Variants in DCDC1 observed in about 807,000 individuals in gnomAD.
The protein encoded by DCDC1 is doublecortin domain containing 1, also known as doublecortin domain-containing protein 1.
DCDC1 carries 200 observed loss-of-function variants against 178.3 expected under a neutral mutation model. The observed-to-expected ratio is 1.12, with a 90% CI of 1.00 to 1.26. The LOEUF is 1.26. Ranked by LOEUF, DCDC1 falls within the 50% of genes most tolerant of loss-of-function variation. DCDC1 has a pLI of 0.00. For synonymous variants in DCDC1, 690 were observed against 604.8 expected, an observed-to-expected ratio of 1.14 and a Z score of -2.07; for missense variants, 1,983 against 1,749.2, an observed-to-expected ratio of 1.13 and a Z score of -2.38.
intron 20 of DCDC1, among the ~76,000 whole-genome samples, chr11:31,009,922 A>T (rs1952073294): frequency 6.6e-6 from 1 of 152,134 alleles, no homozygotes; most frequent in East Asian, 1.9e-4. Flanking sequence ...TGACAAGCAA[A>T]GGGGGGAAAG....
At chr11:31,033,289 C>T in intron 20 of DCDC1, among the ~76,000 whole-genome samples, 1 of 152,122 alleles carries the variant, frequency 6.6e-6, no homozygotes, top group East Asian at 1.9e-4. Context: ...TATACACACA[C>T]ATACACACAC....
At position 30,941,107 on chromosome 11, in the gene DCDC1, G is replaced by A. The variant is rs371514053; in HGVS notation, c.2716-9155C>T. ...TGCTTGCATTATTAGACTATATCAA[G>A]GACCCTATATCAAGGACCCAACTAC... On this transcript the variant is annotated intron_variant, in intron 21 of 38. Transcript: ENST00000684477. 2.6e-5 allele frequency among the ~76,000 whole-genome samples: 4 copies of A among 152,078 alleles called. No homozygotes were observed. The East Asian group carries it at 5.8e-4, about 22-fold the overall frequency.
intron 20 of DCDC1, among the ~76,000 whole-genome samples, chr11:31,009,523 T>A (rs540664456): frequency 5.9e-5 from 9 of 151,806 alleles, no homozygotes; most frequent in Non-Finnish European, 1.2e-4. Context: ...AATCCCATGA[T>A]CTTCATGGGA....
At chr11:31,053,882 G>A (rs1281121476) in intron 20 of DCDC1, among the ~76,000 whole-genome samples, 1 of 152,082 alleles carries the variant, frequency 6.6e-6, no homozygotes, top group Non-Finnish European at 1.5e-5. Context: ...ATGGGGAAAA[G>A]TTGAAAACAT....
intron 3 of DCDC1, among the ~76,000 whole-genome samples, chr11:31,323,798 G>A (rs1469404383): frequency 6.6e-6 from 1 of 152,052 alleles, no homozygotes; most frequent in Non-Finnish European, 1.5e-5. Context: ...CTTATGTTTG[G>A]TGAATGTAAG....
chr11:31,007,161 C>G (rs1346999218), intron 20 of DCDC1, among the ~76,000 whole-genome samples: 2 of 151,982 alleles, frequency 1.3e-5, no homozygotes, highest in Admixed American at 6.6e-5. Flanking sequence ...ATACATGTAC[C>G]GTGTGCATAG....
rs1565029746 is a variant in DCDC1, at chr11:30,888,102, G to GAAAGAAAGAAAGAAAGAAAGAAAGAA, written c.5082+4690_5082+4715dup. Among the ~76,000 whole-genome samples the GAAAGAAAGAAAGAAAGAAAGAAAGAA allele has an allele frequency of 7.1e-4, 34 of 47,664 alleles. No homozygotes were observed. In the South Asian group the frequency reaches 0.011, roughly 15 times the overall value. The allele number at this position is 47,664 out of a possible 152,430, so 31.3% of individuals were successfully genotyped here. A position where few individuals can be genotyped will look rare whatever the true frequency, so the allele number is the denominator to read the frequency against. On this transcript the variant is annotated intron_variant, in intron 36 of 38. Transcript: ENST00000684477. Reference sequence around the variant, plus strand: ...AGAGAGAGAAAGAAAGAAAGAAAAAGAAAGAAAGAAAGAAAGAAAGAAAGA... The same window carrying GAAAGAAAGAAAGAAAGAAAGAAAGAA: ...AGAGAGAGAAAGAAAGAAAGAAAAAGAAAGAAAGAAAGAAAGAAAGAAAGAAAAAGAAAGAAAGAAAGAAAGAAAGA...
intron 20 of DCDC1, among the ~76,000 whole-genome samples, chr11:31,044,883 T>C (rs1320460320): frequency 6.6e-6 from 1 of 152,210 alleles, no homozygotes; most frequent in Admixed American, 6.5e-5. Context: ...CCAGCAATGA[T>C]AGCTAATACA....
At chr11:30,945,388 T>TTA (rs376803092) in intron 21 of DCDC1, among the ~76,000 whole-genome samples, 111 of 151,594 alleles carry the variant, frequency 7.3e-4, no homozygotes, top group Middle Eastern at 3.4e-3. Context: ...TTATGCCAAG[T>TTA]TATATATATA....
intron 9 of DCDC1, among the ~76,000 whole-genome samples, chr11:31,204,411 A>C (rs182083650): frequency 6.6e-6 from 1 of 152,242 alleles, no homozygotes; most frequent in Non-Finnish European, 1.5e-5. Context: ...TTATTTAAGG[A>C]CAAAAAAAGA....
At chr11:31,173,571 C>T (rs1170788940) in intron 9 of DCDC1, among the ~76,000 whole-genome samples, 1 of 152,056 alleles carries the variant, frequency 6.6e-6, no homozygotes, top group Non-Finnish European at 1.5e-5. Flanking sequence ...TGATAGACCA[C>T]TAAAGTAGAT....
At chr11:31,086,771 T>A (rs1957506074) in intron 17 of DCDC1, among the ~76,000 whole-genome samples, 1 of 152,200 alleles carries the variant, frequency 6.6e-6, no homozygotes, top group Non-Finnish European at 1.5e-5. Context: ...TCATGATACA[T>A]CTTTTTATAA....
intron 20 of DCDC1, among the ~76,000 whole-genome samples, chr11:31,010,310 G>T (rs1181343530): frequency 2.6e-5 from 4 of 152,228 alleles, no homozygotes; most frequent in Non-Finnish European, 1.5e-5. Flanking sequence ...CAACTGGGAA[G>T]AATTCACTTC....
chr11:31,051,422 C>T (rs1335951782), intron 20 of DCDC1, among the ~76,000 whole-genome samples: 1 of 152,218 alleles, frequency 6.6e-6, no homozygotes, highest in South Asian at 2.1e-4. Context: ...TCAAGGAAAA[C>T]TTCCCCAGCC....
chr11:31,003,909 C>A (rs868791909), intron 20 of DCDC1, among the ~76,000 whole-genome samples: 5 of 152,268 alleles, frequency 3.3e-5, no homozygotes, highest in South Asian at 2.1e-4. Context: ...GTGAATCCAA[C>A]AGTGTCCTAC....
At chr11:31,110,207 G>C (rs374145334) in intron 12 of DCDC1, 53 bp downstream of exon 12, 148 of 664,400 alleles carry the variant, frequency 2.2e-4, no homozygotes, top group Middle Eastern at 7.3e-4. Context: ...TAAATTAGTT[G>C]CAAGTAACTT....
At chr11:31,270,997 T>C (rs1945509504) in intron 7 of DCDC1, among the ~76,000 whole-genome samples, 1 of 152,190 alleles carries the variant, frequency 6.6e-6, no homozygotes, top group Non-Finnish European at 1.5e-5. Context: ...CCCTCAGTAC[T>C]GCCCAGCCAC....
chr11:30,882,446 A>AT (rs1210715686), intron 36 of DCDC1: 4 of 111,430 alleles, frequency 3.6e-5, no homozygotes, highest in African/African-American at 8.4e-5. Context: ...CTATTTTTAT[A>AT]TATTTTTTTA....
intron 9 of DCDC1, among the ~76,000 whole-genome samples, chr11:31,209,838 G>A (rs1358249701): frequency 1.3e-5 from 2 of 152,334 alleles, no homozygotes; most frequent in South Asian, 2.1e-4. Flanking sequence ...AAAGGAACAA[G>A]CATGAACGGG....
Sources: gnomAD v4.1 joint callset for allele counts (sites outside exome capture counted in the v4.1 genomes callset) on GRCh38, gnomAD v4.1.1 for gene constraint, MANE v1.5 for transcripts, NCBI Gene and HGNC (gene_info 2026-07-23, HGNC 2026-07-21) for gene names.